MANBA: variants seen among roughly 807,000 people sequenced by gnomAD.
The protein encoded by MANBA is beta-mannosidase.
A neutral mutation model predicts 111.1 loss-of-function variants in MANBA; 83 were observed. The observed-to-expected ratio is 0.75, with a 90% CI of 0.63 to 0.90. The LOEUF (loss-of-function observed/expected upper bound fraction) is 0.90. Ranked by LOEUF, MANBA falls within the 40% of genes least tolerant of loss-of-function variation. The pLI, the probability that MANBA is intolerant of heterozygous loss-of-function variation, is 0.00. For missense variants in MANBA, 1,036 were observed against 1,069.0 expected (o/e 0.97, Z 0.43); for synonymous variants, 370 against 378.7 (o/e 0.98, Z 0.27).
chr4:102,714,327 T>G, intron 5 of MANBA, 111 bp downstream of exon 5: 3 of 1,129,300 alleles, frequency 2.7e-6, no homozygotes, highest in Non-Finnish European at 3.9e-6. Context: ...TACCACAAAG[T>G]TTTTAAAAAT....
At chr4:102,694,847 G>C (rs577585263) in intron 5 of MANBA, among the ~76,000 whole-genome samples, 1 of 152,058 alleles carries the variant, frequency 6.6e-6, no homozygotes, top group Admixed American at 6.6e-5. Flanking sequence ...TCCCTGGCCT[G>C]AAGGCTTATT....
At chr4:102,664,628 A>G (rs962615163) in intron 11 of MANBA, 57 bp downstream of exon 11, 2 of 1,503,130 alleles carry the variant, frequency 1.3e-6, no homozygotes, top group East Asian at 2.3e-5. Flanking sequence ...GTGAGCCACC[A>G]CGCCCAGCCC....
chr4:102,712,629 C>G (rs551842227), intron 5 of MANBA, among the ~76,000 whole-genome samples: 1 of 151,992 alleles, frequency 6.6e-6, no homozygotes, highest in East Asian at 1.9e-4. Flanking sequence ...AGCGATCCTG[C>G]CACCTCAGCC....
intron 1 of MANBA, chr4:102,751,461 T>G: frequency 1.9e-6 from 1 of 520,782 alleles, no homozygotes; most frequent in Non-Finnish European, 3.9e-6. Flanking sequence ...AAATGATGTT[T>G]CCTTCTCAAT....
chr4:102,664,630 G>C, intron 11 of MANBA, 55 bp downstream of exon 11: 1 of 1,505,938 alleles, frequency 6.6e-7, no homozygotes. Context: ...GAGCCACCAC[G>C]CCCAGCCCTA....
chr4:102,691,633 G>A (rs1331409083), intron 5 of MANBA, among the ~76,000 whole-genome samples: 1 of 151,336 alleles, frequency 6.6e-6, no homozygotes, highest in East Asian at 1.9e-4. Context: ...AGCCTTCTGA[G>A]CAGCTGGCAC....
chr4:102,712,848 G>T (rs1009624892), intron 5 of MANBA, among the ~76,000 whole-genome samples: 2 of 152,052 alleles, frequency 1.3e-5, no homozygotes, highest in Non-Finnish European at 2.9e-5. Context: ...TCTCACACCA[G>T]ATTCTGTTAT....
intron 8 of MANBA, chr4:102,671,972 C>T: frequency 2.5e-6 from 1 of 402,068 alleles, no homozygotes; most frequent in Non-Finnish European, 4.4e-6. Flanking sequence ...AGACCCAGAG[C>T]ACTGTGGGCT....
intron 1 of MANBA, among the ~76,000 whole-genome samples, chr4:102,750,243 T>G (rs1160192524): frequency 6.6e-6 from 1 of 152,148 alleles, no homozygotes; most frequent in Non-Finnish European, 1.5e-5. Context: ...TAAAGGGTCA[T>G]TTCCTAAAAA....
At chr4:102,735,171 G>C (rs1334235618) in intron 1 of MANBA, among the ~76,000 whole-genome samples, 1 of 152,152 alleles carries the variant, frequency 6.6e-6, no homozygotes, top group Non-Finnish European at 1.5e-5. Flanking sequence ...CCTGACATGA[G>C]AGCCAGCAGA....
In MANBA at chr4:102,642,002, C is replaced by T. The variant is rs149197526; in HGVS notation, c.1870-2145G>A. Among the ~76,000 whole-genome samples the T allele has an allele frequency of 3.6e-4, 55 of 151,816 alleles. No individual in the cohort carries two copies. The East Asian group carries it at 7.9e-3, about 22-fold the overall frequency. The stretch of plus-strand genomic sequence containing the variant: ...CAGTACACTCCACACACAGATGGTA[C>T]CATGCTAATAACATGGACCTGAATC... On this transcript the variant is annotated intron_variant, in intron 13 of 16. Transcript: ENST00000647097.
intron 4 of MANBA, chr4:102,722,660 C>A: frequency 1.7e-6 from 1 of 581,596 alleles, no homozygotes; most frequent in Non-Finnish European, 3.0e-6. Flanking sequence ...TCTGAACACG[C>A]TTCAGGAAGA....
chr4:102,718,167 C>A (rs561721063), intron 4 of MANBA, among the ~76,000 whole-genome samples: 2 of 152,344 alleles, frequency 1.3e-5, no homozygotes, highest in African/African-American at 4.8e-5. Context: ...ACTCAAGTTT[C>A]TGGCTTGAGC....
intron 1 of MANBA, chr4:102,751,628 A>G (rs1323926708): frequency 1.8e-6 from 1 of 541,350 alleles, no homozygotes; most frequent in South Asian, 1.4e-5. Context: ...AGAACATGTC[A>G]TCAGAAGTAG....
At chr4:102,754,014 A>G (rs1445777388) in intron 1 of MANBA, 14 of 355,148 alleles carry the variant, frequency 3.9e-5, no homozygotes, top group Non-Finnish European at 5.6e-5. Context: ...AAAAAAAAAA[A>G]AAAGAAAAAA....
chr4:102,737,056 C>A (rs149450185), intron 1 of MANBA, among the ~76,000 whole-genome samples: 1 of 152,166 alleles, frequency 6.6e-6, no homozygotes, highest in East Asian at 1.9e-4. Flanking sequence ...CCGGAAAGAG[C>A]GAGTCCCCAG....
intron 7 of MANBA, among the ~76,000 whole-genome samples, chr4:102,680,407 T>C (rs1578896598): frequency 1.3e-5 from 2 of 152,174 alleles, no homozygotes; most frequent in East Asian, 3.8e-4. Flanking sequence ...GATTCACGTG[T>C]CCACATTTTC....
chr4:102,716,442 G>A (rs934584448), intron 4 of MANBA, among the ~76,000 whole-genome samples: 4 of 151,586 alleles, frequency 2.6e-5, no homozygotes, highest in African/African-American at 7.3e-5. Context: ...GTTTCTGAAC[G>A]TGAAGCCCAA....
intron 1 of MANBA, among the ~76,000 whole-genome samples, chr4:102,739,070 T>C (rs1241732440): frequency 1.3e-5 from 2 of 151,972 alleles, no homozygotes; most frequent in Non-Finnish European, 2.9e-5. Context: ...GTGAGATTAA[T>C]CAAGAAGAGA....
Sources: gnomAD v4.1 joint callset for allele counts (sites outside exome capture counted in the v4.1 genomes callset) on GRCh38, gnomAD v4.1.1 for gene constraint, MANE v1.5 for transcripts, NCBI Gene and HGNC (gene_info 2026-07-23, HGNC 2026-07-21) for gene names.